Variants in CCDC178 observed in about 807,000 individuals in gnomAD.
The protein encoded by CCDC178 is coiled-coil domain containing 178.
In CCDC178, 126 loss-of-function variants were observed where a neutral mutation model predicts 117.4. The ratio of observed to expected loss-of-function variants is 1.07; its 90% CI spans 0.93 to 1.24. CCDC178 has a LOEUF of 1.24. Among genes scored for constraint, CCDC178 ranks in the 50% most tolerant of loss-of-function variants. The pLI is 0.00. For synonymous variants in CCDC178, 283 were observed against 313.4 expected, an observed-to-expected ratio of 0.90 and a Z score of 1.02; for missense variants, 1,030 against 986.9, an observed-to-expected ratio of 1.04 and a Z score of -0.59.
At chr18:33,086,981 C>G (rs1024918784) in intron 21 of CCDC178, among the ~76,000 whole-genome samples, 1 of 147,370 alleles carries the variant, frequency 6.8e-6, no homozygotes, top group Non-Finnish European at 1.5e-5. Flanking sequence ...CACACACACA[C>G]ACACACACAC....
chr18:33,003,623 A>T (rs1215517802), intron 21 of CCDC178, among the ~76,000 whole-genome samples: 1 of 152,180 alleles, frequency 6.6e-6, no homozygotes, highest in Non-Finnish European at 1.5e-5. Flanking sequence ...GATCTGGAAC[A>T]TGACAAGGAT....
At chr18:33,159,897 T>C (rs1223387291) in intron 20 of CCDC178, among the ~76,000 whole-genome samples, 1 of 152,118 alleles carries the variant, frequency 6.6e-6, no homozygotes, top group Non-Finnish European at 1.5e-5. Flanking sequence ...CTCTAACCTA[T>C]ACAGAAAACT....
At position 33,254,715 on chromosome 18, in the gene CCDC178, G is replaced by A. The variant is rs190326687; in HGVS notation, c.1410-9287C>T. 8.2e-4 allele frequency among the ~76,000 whole-genome samples: 124 copies of A among 152,052 alleles called. 1 individual carries two copies. Among genetic ancestry groups the A allele is most frequent in the African/African-American group, 2.2e-3 (90 of 41,528 alleles). On this transcript the variant is annotated intron_variant, in intron 14 of 22. Transcript: ENST00000383096. ...TTAAAAACATGCTGAAGAAGAAGAC[G>A]AAGAGAAGGAAGAGGAGGAGCAGAT...
intron 8 of CCDC178, 134 bp from the exon 9 acceptor site, chr18:33,346,545 T>C: frequency 2.5e-6 from 1 of 407,620 alleles, no homozygotes; most frequent in South Asian, 1.1e-4. Flanking sequence ...TGAATTACCT[T>C]TTAAAAAAGT....
intron 22 of CCDC178, among the ~76,000 whole-genome samples, chr18:32,966,853 T>C (rs1247787752): frequency 6.6e-6 from 1 of 151,896 alleles, no homozygotes; most frequent in Non-Finnish European, 1.5e-5. Context: ...CTTTCTGGCA[T>C]TGTTTAGTAG....
At position 33,056,971 on chromosome 18, in the gene CCDC178, A is replaced by G. The variant is rs146545771; in HGVS notation, c.2388+35790T>C. On this transcript the variant is annotated intron_variant, in intron 21 of 22. Coordinates refer to ENST00000383096, the MANE Select transcript of CCDC178 (RefSeq NM_001105528.4). Reference sequence around the variant, plus strand: ...TTTCCTTTTTTTTTTTTTGCTTTCCACTATTTTTCCAATATTCTGTAATAA... The same window carrying G: ...TTTCCTTTTTTTTTTTTTGCTTTCCGCTATTTTTCCAATATTCTGTAATAA... 2.1e-3 allele frequency among the ~76,000 whole-genome samples: 287 copies of G among 138,308 alleles called. 1 individual carries two copies. Among genetic ancestry groups the G allele is most frequent in the African/African-American group, 7.1e-3 (269 of 37,672 alleles). 90.7% of individuals were successfully genotyped at this position (138,308 alleles called of 152,430 possible). A position where few individuals can be genotyped will look rare whatever the true frequency, so the allele number is the denominator to read the frequency against.
intron 2 of CCDC178, among the ~76,000 whole-genome samples, chr18:33,428,322 C>T (rs1451033023): frequency 1.3e-5 from 2 of 152,128 alleles, no homozygotes; most frequent in Non-Finnish European, 2.9e-5. Context: ...TGATAGCTTA[C>T]ACTTAAAACA....
Position 33,092,791 on chromosome 18 carries a change from T to C in CCDC178, c.2358A>G (p.Ser786=), listed in dbSNP as rs777216943. ...TCTTATCTCTAATTGAAGTATCAAGTGATAGCTGTTTATCATATATATTGA... is the reference window on the plus strand; with the variant it reads ...TCTTATCTCTAATTGAAGTATCAAGCGATAGCTGTTTATCATATATATTGA... ...NYFNIYDKQL[S]LDTSIRDKKQ... Residue 786 remains serine (S), a synonymous_variant, in exon 21 of 23, where the codon TCA becomes TCG. Coordinates refer to ENST00000383096, the MANE Select transcript of CCDC178 (RefSeq NM_001105528.4). 17 of 1,537,364 alleles carry C rather than the reference T, an allele frequency of 1.1e-5. No homozygotes were observed. In the South Asian group the frequency reaches 1.6e-4, roughly 15 times the overall value.
At chr18:33,259,629 G>A in intron 14 of CCDC178, among the ~76,000 whole-genome samples, 1 of 152,036 alleles carries the variant, frequency 6.6e-6, no homozygotes, top group East Asian at 1.9e-4. Context: ...GCAAGGGGAA[G>A]TCTGCCCCCA....
chr18:33,084,363 T>A (rs1193346186), intron 21 of CCDC178, among the ~76,000 whole-genome samples: 4 of 152,220 alleles, frequency 2.6e-5, no homozygotes, highest in Non-Finnish European at 5.9e-5. Flanking sequence ...TGTTTTATTG[T>A]CTTTTCCATC....
chr18:33,036,163 A>G (rs1178339977), intron 21 of CCDC178, among the ~76,000 whole-genome samples: 1 of 151,984 alleles, frequency 6.6e-6, no homozygotes, highest in Admixed American at 6.6e-5. Context: ...CTATGTGATT[A>G]GTCATATTTT....
At chr18:33,255,937 C>A (rs2059673869) in intron 14 of CCDC178, among the ~76,000 whole-genome samples, 1 of 145,208 alleles carries the variant, frequency 6.9e-6, no homozygotes, top group Non-Finnish European at 1.5e-5. Flanking sequence ...TCAAAGAGGG[C>A]ATAGACACAA....
chr18:33,119,428 G>A (rs1254813884), intron 20 of CCDC178, among the ~76,000 whole-genome samples: 1 of 152,124 alleles, frequency 6.6e-6, no homozygotes, highest in Non-Finnish European at 1.5e-5. Flanking sequence ...ACAGACACAT[G>A]AAAAAATGCT....
At chr18:33,141,446 C>G (rs1272097281) in intron 20 of CCDC178, among the ~76,000 whole-genome samples, 2 of 152,110 alleles carry the variant, frequency 1.3e-5, no homozygotes, top group African/African-American at 4.8e-5. Flanking sequence ...GAAGAGCTGG[C>G]TGGGGAGACC....
chr18:33,168,655 C>G (rs2058561917), intron 20 of CCDC178, among the ~76,000 whole-genome samples: 1 of 152,154 alleles, frequency 6.6e-6, no homozygotes. Context: ...AGGAATACAA[C>G]TACCATATTG....
intron 6 of CCDC178, among the ~76,000 whole-genome samples, chr18:33,365,150 A>C (rs970035878): frequency 6.6e-6 from 1 of 152,114 alleles, no homozygotes; most frequent in Non-Finnish European, 1.5e-5. Flanking sequence ...CAGCATTTGA[A>C]GTGCTCATAA....
intron 20 of CCDC178, among the ~76,000 whole-genome samples, chr18:33,117,790 T>C (rs1000111077): frequency 1.3e-5 from 2 of 151,948 alleles, no homozygotes; most frequent in Non-Finnish European, 1.5e-5. Flanking sequence ...AAACACTTCA[T>C]CTAGTTGTAG....
chr18:33,000,681 C>A (rs886409750), intron 21 of CCDC178, among the ~76,000 whole-genome samples: 4 of 152,086 alleles, frequency 2.6e-5, no homozygotes, highest in African/African-American at 9.7e-5. Flanking sequence ...ATTTAAATTG[C>A]TGAAGGAAAG....
At chr18:33,384,566 C>T (rs1412684588) in intron 5 of CCDC178, among the ~76,000 whole-genome samples, 2 of 152,184 alleles carry the variant, frequency 1.3e-5, no homozygotes, top group Non-Finnish European at 2.9e-5. Context: ...ATTCAACATT[C>T]TGAAAGAGAA....
Sources: gnomAD v4.1 joint callset for allele counts (sites outside exome capture counted in the v4.1 genomes callset) on GRCh38, gnomAD v4.1.1 for gene constraint, MANE v1.5 for transcripts, NCBI Gene and HGNC (gene_info 2026-07-23, HGNC 2026-07-21) for gene names.